Variants in ANKFN1 observed in about 807,000 individuals in gnomAD.
ANKFN1 encodes the protein ankyrin repeat and fibronectin type III domain containing 1, also known as ankyrin repeat and fibronectin type-III domain-containing protein 1.
Under a neutral mutation model 108.7 loss-of-function variants are expected in ANKFN1, and 74 were observed. That is an observed-to-expected ratio of 0.68 (90% CI 0.56 to 0.83). The LOEUF is 0.83. ANKFN1 is among the 40% of genes least tolerant of loss of function. ANKFN1 has a pLI of 0.00. For missense variants in ANKFN1, 1,505 were observed against 1,382.3 expected (o/e 1.09, Z -1.41); for synonymous variants, 547 against 516.2 (o/e 1.06, Z -0.81).
chr17:56,306,756 G>GCCCACATT (rs1300515077), intron 3 of ANKFN1, among the ~76,000 whole-genome samples: 2 of 152,098 alleles, frequency 1.3e-5, no homozygotes, highest in African/African-American at 2.4e-5. Context: ...CCAAAAAAGA[G>GCCCACATT]CCCACATTGC....
chr17:56,264,604 G>A (rs1460429144), intron 3 of ANKFN1, among the ~76,000 whole-genome samples: 1 of 152,078 alleles, frequency 6.6e-6, no homozygotes, highest in Non-Finnish European at 1.5e-5. Context: ...GAGTTCTCAG[G>A]AATAACGAAT....
intron 1 of ANKFN1, among the ~76,000 whole-genome samples, chr17:56,155,452 C>G (rs1418756851): frequency 6.6e-6 from 1 of 152,184 alleles, no homozygotes; most frequent in Non-Finnish European, 1.5e-5. Context: ...CCAATATAGT[C>G]TTTCATTTAT....
intron 3 of ANKFN1, among the ~76,000 whole-genome samples, chr17:56,235,336 G>A (rs1297071910): frequency 6.6e-6 from 1 of 152,098 alleles, no homozygotes; most frequent in Non-Finnish European, 1.5e-5. Context: ...TTCTTTTGCT[G>A]TGCAGAAGCT....
chr17:56,263,932 C>T (rs946804906), intron 3 of ANKFN1, among the ~76,000 whole-genome samples: 1 of 152,182 alleles, frequency 6.6e-6, no homozygotes, highest in Non-Finnish European at 1.5e-5. Flanking sequence ...AGTCTGACCT[C>T]TGAGGCTGCC....
intron 4 of ANKFN1, among the ~76,000 whole-genome samples, chr17:56,064,850 G>T (rs1905035425): frequency 6.6e-6 from 1 of 152,174 alleles, no homozygotes; most frequent in South Asian, 2.1e-4. Flanking sequence ...GGCCCCGGTG[G>T]TGTGGATTCA....
intron 7 of ANKFN1, among the ~76,000 whole-genome samples, chr17:56,374,025 A>G (rs1217328823): frequency 1.3e-5 from 2 of 152,232 alleles, no homozygotes; most frequent in African/African-American, 4.8e-5. Context: ...TAATAGGAGA[A>G]AGCCTGAGAG....
At chr17:56,356,732 C>T (rs948128036) in intron 6 of ANKFN1, among the ~76,000 whole-genome samples, 2 of 152,142 alleles carry the variant, frequency 1.3e-5, no homozygotes, top group Admixed American at 6.6e-5. Flanking sequence ...TCTGCAACAA[C>T]GTCTGTCCCA....
intron 3 of ANKFN1, among the ~76,000 whole-genome samples, chr17:56,251,165 C>T (rs1399476357): frequency 6.6e-6 from 1 of 152,142 alleles, no homozygotes; most frequent in Non-Finnish European, 1.5e-5. Flanking sequence ...CCAAGGTGGG[C>T]AGATCATTTG....
At chr17:56,287,564 C>A (rs146006174) in intron 3 of ANKFN1, among the ~76,000 whole-genome samples, 6 of 152,222 alleles carry the variant, frequency 3.9e-5, no homozygotes, top group Admixed American at 3.3e-4. Context: ...ACATTTAGAG[C>A]CAGGCTTTCT....
At chr17:56,166,130 A>G (rs190328220) in intron 1 of ANKFN1, among the ~76,000 whole-genome samples, 1 of 152,332 alleles carries the variant, frequency 6.6e-6, no homozygotes, top group East Asian at 1.9e-4. Context: ...GCATAAAAAA[A>G]GTAATCAGGT....
Position 56,372,640 on chromosome 17 carries a change from CT to C in ANKFN1, c.602-3del, listed in dbSNP as rs776695759. 1.2e-6 allele frequency: 2 copies of C among 1,609,240 alleles called. No individual in the cohort carries two copies. The highest frequency in any genetic ancestry group is 2.7e-5 in the African/African-American group (2 of 74,442). ...AAGAGAAGTAATCCCATTTCTTTCC[CT>C]TTAGTTGTCAGCCTGGAAAGCCGAG... is the stretch of plus-strand genomic sequence containing the variant. On this transcript the variant is annotated splice_region_variant and splice_polypyrimidine_tract_variant and intron_variant, in intron 6 of 20. Coordinates refer to ENST00000682825, the MANE Select transcript of ANKFN1 (RefSeq NM_001370326.1).
At chr17:56,427,290 G>A (rs2048600028) in intron 8 of ANKFN1, among the ~76,000 whole-genome samples, 1 of 152,142 alleles carries the variant, frequency 6.6e-6, no homozygotes, top group Admixed American at 6.5e-5. Context: ...AACTGGGAGT[G>A]CTCAGAGTAG....
At chr17:56,335,535 G>A (rs2045783256) in intron 4 of ANKFN1, among the ~76,000 whole-genome samples, 1 of 152,008 alleles carries the variant, frequency 6.6e-6, no homozygotes, top group Non-Finnish European at 1.5e-5. Flanking sequence ...TTGGTGTATA[G>A]GAATGCTTGT....
chr17:56,428,421 C>A (rs1018453261), intron 8 of ANKFN1, among the ~76,000 whole-genome samples: 4 of 149,066 alleles, frequency 2.7e-5, no homozygotes, highest in Non-Finnish European at 1.5e-5. Context: ...TATGCTATAT[C>A]TTAAAAGTTG....
intron 8 of ANKFN1, among the ~76,000 whole-genome samples, chr17:56,379,257 G>C (rs1222852988): frequency 6.6e-6 from 1 of 152,052 alleles, no homozygotes; most frequent in Non-Finnish European, 1.5e-5. Flanking sequence ...AGATTGGCTG[G>C]GCATGGTGGC....
At chr17:56,503,110 G>T (rs867236035) in intron 20 of ANKFN1, among the ~76,000 whole-genome samples, 1 of 146,680 alleles carries the variant, frequency 6.8e-6, no homozygotes, top group South Asian at 2.3e-4. Context: ...CTTTTCTGTG[G>T]ATATAGTGGT....
intron 3 of ANKFN1, among the ~76,000 whole-genome samples, chr17:56,317,361 C>T (rs1325395417): frequency 6.6e-6 from 1 of 152,200 alleles, no homozygotes; most frequent in Non-Finnish European, 1.5e-5. Context: ...TTGCCTTCAT[C>T]TTTGACTCAT....
chr17:56,150,082 GT>G (rs976971272), upstream of ANKFN1, among the ~76,000 whole-genome samples: 5 of 152,244 alleles, frequency 3.3e-5, no homozygotes, highest in East Asian at 3.9e-4. Flanking sequence ...TTCTACGTAA[GT>G]TTTTTGGCCT....
intron 18 of ANKFN1, among the ~76,000 whole-genome samples, chr17:56,485,102 A>G: frequency 6.6e-6 from 1 of 152,240 alleles, no homozygotes; most frequent in East Asian, 1.9e-4. Flanking sequence ...TCATCAATAA[A>G]TATTCATTGA....
Sources: gnomAD v4.1 joint callset for allele counts (sites outside exome capture counted in the v4.1 genomes callset) on GRCh38, gnomAD v4.1.1 for gene constraint, MANE v1.5 for transcripts, NCBI Gene and HGNC (gene_info 2026-07-23, HGNC 2026-07-21) for gene names.